Variants in CRY1 observed in about 807,000 individuals in gnomAD.
CRY1 encodes the protein cryptochrome-1.
CRY1 carries 45 observed loss-of-function variants against 76.0 expected under a neutral mutation model. The observed-to-expected ratio is 0.59, with a 90% confidence interval of 0.47 to 0.76. The LOEUF (loss-of-function observed/expected upper bound fraction) is 0.76, where lower values mean the gene tolerates loss of function less well. CRY1 is among the 30% of genes least tolerant of loss of function. The probability of loss-of-function intolerance (pLI) is 0.00; values close to 1 mark genes in which losing one functional copy is unlikely to be tolerated. For missense variants in CRY1, 587 were observed against 716.4 expected, an observed-to-expected ratio of 0.82 and a Z score of 2.06; for synonymous variants, 248 against 244.0, an observed-to-expected ratio of 1.02 and a Z score of -0.15.
At chr12:107,057,268 A>C (rs532951993) in intron 1 of CRY1, among the ~76,000 whole-genome samples, 1 of 152,286 alleles carries the variant, frequency 6.6e-6, no homozygotes, top group African/African-American at 2.4e-5. Flanking sequence ...TGGTATAAAG[A>C]AAGCCCAATA....
At chr12:107,092,710 C>T (rs1203407608) in intron 1 of CRY1, 94 bp downstream of exon 1, 7 of 1,534,664 alleles carry the variant, frequency 4.6e-6, no homozygotes, top group African/African-American at 1.4e-5. Context: ...GACAGTCCCA[C>T]GTCTAAATTC....
chr12:107,037,077 G>A (rs1952742161), intron 1 of CRY1, among the ~76,000 whole-genome samples: 1 of 152,110 alleles, frequency 6.6e-6, no homozygotes, highest in African/African-American at 2.4e-5. Context: ...AATATATATA[G>A]TTTCAATGAA....
At chr12:107,039,148 T>C (rs549234504) in intron 1 of CRY1, among the ~76,000 whole-genome samples, 1 of 151,904 alleles carries the variant, frequency 6.6e-6, no homozygotes, top group South Asian at 2.1e-4. Flanking sequence ...ATAAATAAAA[T>C]AAGGCCTTCA....
intron 1 of CRY1, among the ~76,000 whole-genome samples, chr12:107,025,240 T>C (rs575651295): frequency 1.3e-5 from 2 of 152,334 alleles, no homozygotes; most frequent in South Asian, 4.1e-4. Flanking sequence ...ATAATTAGCA[T>C]ACATTCCTTC....
rs984488273 is a variant in CRY1, at chr12:106,992,018, A to C, written c.*1-17T>G. On this transcript the variant is annotated splice_polypyrimidine_tract_variant and intron_variant, in intron 12 of 12. Coordinates refer to ENST00000008527, the MANE Select transcript of CRY1 (RefSeq NM_004075.5). Reference sequence around the variant, plus strand: ...GAATGTTTTCTGTGATTTAAGGGGGAAAAAAAAACTAGGTAAAGCTTGATT... The same window carrying C: ...GAATGTTTTCTGTGATTTAAGGGGGCAAAAAAAACTAGGTAAAGCTTGATT... 6.6e-6 allele frequency: 1 copy of C among 151,580 alleles called. No individual in the cohort carries two copies. Among genetic ancestry groups the C allele is most frequent in the African/African-American group, 2.4e-5 (1 of 41,276 alleles). 9.4% of individuals were successfully genotyped at this position (151,580 alleles called of 1,614,324 possible).
At chr12:107,032,770 C>T (rs1952692149) in intron 1 of CRY1, among the ~76,000 whole-genome samples, 1 of 152,198 alleles carries the variant, frequency 6.6e-6, no homozygotes, top group Non-Finnish European at 1.5e-5. Context: ...GATCACTTCC[C>T]TGCACTCTAG....
intron 10 of CRY1, among the ~76,000 whole-genome samples, chr12:106,994,049 A>C (rs1952207736): frequency 6.6e-6 from 1 of 151,590 alleles, no homozygotes; most frequent in Non-Finnish European, 1.5e-5. Flanking sequence ...AGTCATTAAA[A>C]AAACAAACAA....
At chr12:107,086,004 C>A (rs1953396015) in intron 1 of CRY1, among the ~76,000 whole-genome samples, 1 of 151,978 alleles carries the variant, frequency 6.6e-6, no homozygotes, top group African/African-American at 2.4e-5. Context: ...TTCATGAGAT[C>A]TCAAATAAAA....
chr12:107,036,247 A>G (rs1021956505), intron 1 of CRY1, among the ~76,000 whole-genome samples: 2 of 152,224 alleles, frequency 1.3e-5, no homozygotes, highest in Non-Finnish European at 2.9e-5. Context: ...CCCAGGTACG[A>G]ATGGTGAATT....
chr12:106,997,402 AT>A lies in CRY1; in HGVS notation c.1493-17del. Reference sequence around the variant, plus strand: ...GCCAGAAGACCTAAAGGACAAAAAAATTTTCTTTTAAATTATGATCAAGATA... The same window carrying A: ...GCCAGAAGACCTAAAGGACAAAAAAATTTCTTTTAAATTATGATCAAGATA... On this transcript the variant is annotated splice_polypyrimidine_tract_variant and intron_variant, in intron 9 of 12. Transcript: ENST00000008527. 3 of 1,612,470 alleles carry A rather than the reference AT, an allele frequency of 1.9e-6. No individual in the cohort carries two copies. Among genetic ancestry groups the A allele is most frequent in the Non-Finnish European group, 2.5e-6 (3 of 1,179,372 alleles).
At chr12:107,090,044 A>G (rs1953452161) in intron 1 of CRY1, among the ~76,000 whole-genome samples, 1 of 152,144 alleles carries the variant, frequency 6.6e-6, no homozygotes, top group Admixed American at 6.5e-5. Flanking sequence ...CATCTGACGT[A>G]AGTAAAACAC....
At chr12:107,000,741 C>T (rs2136822647) in intron 5 of CRY1, among the ~76,000 whole-genome samples, 1 of 152,076 alleles carries the variant, frequency 6.6e-6, no homozygotes, top group East Asian at 1.9e-4. Flanking sequence ...CTTCTGCCTC[C>T]TGGGTTCAAA....
At chr12:107,069,404 A>C (rs962444318) in intron 1 of CRY1, among the ~76,000 whole-genome samples, 21 of 150,062 alleles carry the variant, frequency 1.4e-4, no homozygotes, top group African/African-American at 5.1e-4. Flanking sequence ...TTTTGTATAA[A>C]ATTTTTTCAA....
intron 1 of CRY1, chr12:107,072,861 C>T (rs1305414960): frequency 6.6e-6 from 1 of 152,092 alleles, no homozygotes; most frequent in Admixed American, 6.5e-5. Context: ...AAAAAATCCA[C>T]ATTTTAAAAA....
chr12:106,991,944 G>C lies in CRY1; in HGVS notation c.*58C>G, dbSNP rs1298578670. On this transcript the variant is annotated 3_prime_UTR_variant, in exon 13 of 13. Transcript: ENST00000008527. Reference sequence around the variant, plus strand: ...AAGAATATTTTTAAATAACTTAATTGAAAAGTATTGAACTCCCCACCAATT... The same window carrying C: ...AAGAATATTTTTAAATAACTTAATTCAAAAGTATTGAACTCCCCACCAATT... 3 of 152,284 alleles carry C rather than the reference G, an allele frequency of 2.0e-5. No homozygotes were observed. Among genetic ancestry groups the C allele is most frequent in the Non-Finnish European group, 4.4e-5 (3 of 67,986 alleles). The allele number at this position is 152,284 out of a possible 1,614,324, so 9.4% of individuals were successfully genotyped here.
At chr12:107,052,191 T>C (rs1952931157) in intron 1 of CRY1, among the ~76,000 whole-genome samples, 1 of 75,746 alleles carries the variant, frequency 1.3e-5, no homozygotes, top group Non-Finnish European at 3.7e-5. Context: ...CTATACCCAG[T>C]GTAAATAAGG....
intron 1 of CRY1, among the ~76,000 whole-genome samples, chr12:107,069,786 G>A (rs1218353726): frequency 3.4e-5 from 5 of 145,238 alleles, no homozygotes; most frequent in African/African-American, 5.1e-5. Flanking sequence ...TTTAAACTTC[G>A]ACAAATAAAA....
chr12:107,048,737 G>A lies in CRY1; in HGVS notation c.159-26545C>T, dbSNP rs144441831. Among the ~76,000 whole-genome samples, 395 of 152,156 alleles carry A rather than the reference G, an allele frequency of 2.6e-3. 4 individuals are homozygous for A. Among genetic ancestry groups the A allele is most frequent in the African/African-American group, 8.8e-3 (364 of 41,514 alleles). On this transcript the variant is annotated intron_variant, in intron 1 of 12. Transcript: ENST00000008527. The stretch of plus-strand genomic sequence containing the variant: ...CACTGACTTGTTAACTTCAGCTATC[G>A]TATTTTTCATTTCTAATATTTTCAT...
chr12:107,084,034 T>G (rs1479383617), intron 1 of CRY1, among the ~76,000 whole-genome samples: 2 of 152,026 alleles, frequency 1.3e-5, no homozygotes, highest in African/African-American at 4.8e-5. Context: ...AGCATTCCTA[T>G]ACACCAATAA....
Sources: gnomAD v4.1 joint callset for allele counts (sites outside exome capture counted in the v4.1 genomes callset) on GRCh38, gnomAD v4.1.1 for gene constraint, MANE v1.5 for transcripts, NCBI Gene and HGNC (gene_info 2026-07-23, HGNC 2026-07-21) for gene names.